Variants in PCNX3 observed in about 807,000 individuals in gnomAD.
PCNX3 encodes the protein pecanex-like protein 3.
A neutral mutation model predicts 207.2 loss-of-function variants in PCNX3; 58 were observed. The observed-to-expected ratio is 0.28, with a 90% CI of 0.23 to 0.35. The LOEUF is 0.35. Among genes scored for constraint, PCNX3 ranks in the 10% least tolerant of loss-of-function variants. PCNX3 has a pLI of 1.00. For missense variants in PCNX3, 2,410 were observed against 2,774.4 expected, an observed-to-expected ratio of 0.87 and a Z score of 2.95; for synonymous variants, 1,337 against 1,183.5, an observed-to-expected ratio of 1.13 and a Z score of -2.66.
intron 28 of PCNX3, 80 bp downstream of exon 28, chr11:65,634,436 C>T (rs939062776): frequency 2.7e-6 from 4 of 1,507,770 alleles, no homozygotes; most frequent in East Asian, 2.4e-5. Context: ...CATTTGGTTT[C>T]CTCTCACTCT....
At chr11:65,619,157 T>C (rs1854930476) in intron 6 of PCNX3, 90 bp downstream of exon 6, 5 of 1,079,266 alleles carry the variant, frequency 4.6e-6, no homozygotes. Flanking sequence ...ACCTGGTCAG[T>C]GTCAGCTCAG....
At chr11:65,619,385 G>C in intron 6 of PCNX3, 152 bp from the exon 7 acceptor site, 1 of 952,206 alleles carries the variant, frequency 1.1e-6, no homozygotes. Flanking sequence ...TAAGGAAACT[G>C]AGCATGGGGC....
chr11:65,616,042 G>C lies in PCNX3; in HGVS notation c.-270G>C, dbSNP rs2135387281. 1 of 273,934 alleles carries C rather than the reference G, an allele frequency of 3.7e-6. No homozygotes were observed. Among genetic ancestry groups the C allele is most frequent in the East Asian group, 6.6e-5 (1 of 15,240 alleles). The allele number at this position is 273,934 out of a possible 1,614,324, so 17.0% of individuals were successfully genotyped here. ...CGCCTGCCTGCCGGCTCGGCCCCTC[G>C]GAGCAATTCTGGGCCAGGAGTGGGG... On this transcript the variant is annotated 5_prime_UTR_variant, in exon 1 of 35. Transcript: ENST00000355703.
intron 27 of PCNX3, 64 bp from the exon 28 acceptor site, chr11:65,634,062 C>T: frequency 7.0e-7 from 1 of 1,434,620 alleles, no homozygotes; most frequent in Non-Finnish European, 9.5e-7. Flanking sequence ...TCTGAACCTC[C>T]ATGCTTTCTC....
At chr11:65,623,062 T>C (rs1346646399) in intron 11 of PCNX3, among the ~76,000 whole-genome samples, 1 of 152,212 alleles carries the variant, frequency 6.6e-6, no homozygotes, top group Non-Finnish European at 1.5e-5. Context: ...CTACCCAGTG[T>C]AGAGAACTTG....
At chr11:65,634,021 G>C (rs1326014972) in intron 27 of PCNX3, 105 bp from the exon 28 acceptor site, 1 of 1,066,910 alleles carries the variant, frequency 9.4e-7, no homozygotes, top group Non-Finnish European at 1.3e-6. Context: ...ATCCCAGAAA[G>C]CGGACTTCAG....
intron 24 of PCNX3, 117 bp from the exon 25 acceptor site, chr11:65,629,240 C>A: frequency 8.9e-7 from 1 of 1,120,390 alleles, no homozygotes; most frequent in Non-Finnish European, 1.3e-6. Flanking sequence ...CCTCATCTGC[C>A]TGCATAACGG....
intron 11 of PCNX3, 115 bp downstream of exon 11, chr11:65,622,481 C>A: frequency 7.6e-7 from 1 of 1,318,038 alleles, no homozygotes. Context: ...TCGGGGGAAG[C>A]TGAGGGCCTG....
chr11:65,625,540 G>A lies in PCNX3; in HGVS notation c.3135+30G>A, dbSNP rs1264139471. 1 of 1,575,662 alleles carries A rather than the reference G, an allele frequency of 6.3e-7. No individual in the cohort carries two copies. The highest frequency in any genetic ancestry group is 1.3e-5 in the African/African-American group (1 of 74,450). On this transcript the variant is annotated intron_variant, in intron 18 of 34. Coordinates refer to ENST00000355703, the MANE Select transcript of PCNX3 (RefSeq NM_032223.4). The surrounding 1 kb of genome is among the most constrained non-coding windows in gnomAD (Gnocchi z 5.6). ...GGGGGCGGGGGGTGGGGGTCTGTGG[G>A]GAGGTGGTGACAGGTCCTGGGGTTC...
chr11:65,621,402 C>T (rs910705330), intron 10 of PCNX3, among the ~76,000 whole-genome samples: 2 of 152,216 alleles, frequency 1.3e-5, no homozygotes, highest in East Asian at 1.9e-4. Flanking sequence ...CTCTGTCACT[C>T]TTAAGAATAT....
At chr11:65,626,566 G>A (rs1855401854) in intron 20 of PCNX3, 3 of 441,854 alleles carry the variant, frequency 6.8e-6, no homozygotes, top group Non-Finnish European at 1.3e-5. Context: ...TGAACCGAGG[G>A]GTCTGCCCTT....
At position 65,618,798 on chromosome 11, in the gene PCNX3, C is replaced by T. The variant is rs1854904624; in HGVS notation, c.1436C>T (p.Ala479Val). The T allele has an allele frequency of 5.6e-6, 9 of 1,611,360 alleles. No homozygotes were observed. The highest frequency in any genetic ancestry group is 1.7e-5 in the Admixed American group (1 of 59,846). ...RAPHGAEEGT[A>V]VPPKRPYGTQ... ...CCCCATGGGGCTGAGGAGGGAACTG[C>T]TGTGCCCCCCAAGCGGCCATATGGG... Residue 479 changes from alanine to valine, a missense_variant, in exon 6 of 35, where the codon GCT becomes GTT. Physicochemically the swap from Ala to Val is moderately conservative, Grantham distance 64 (BLOSUM62 0). Around this residue, in one of 8 missense-constraint regions of PCNX3, gnomAD observed 1,104 missense variants for 970.3 expected, o/e 1.14. Transcript: ENST00000355703.
intron 12 of PCNX3, 94 bp downstream of exon 12, chr11:65,623,738 G>A (rs1855232128): frequency 1.3e-6 from 2 of 1,548,172 alleles, no homozygotes; most frequent in African/African-American, 2.7e-5. Context: ...AAGCTGAAAG[G>A]TAGATAATTT....
chr11:65,634,119 C>G lies in PCNX3; in HGVS notation c.4471-7C>G. 1 of 1,608,968 alleles carries G rather than the reference C, an allele frequency of 6.2e-7. No individual in the cohort carries two copies. ...CCCCGGCCTGACGCCTGCCCCTCCT[C>G]TCCCAGAGCATCATCTACTACGTGA... On this transcript the variant is annotated splice_polypyrimidine_tract_variant and splice_region_variant and intron_variant, in intron 27 of 34. Transcript: ENST00000355703.
intron 12 of PCNX3, 70 bp downstream of exon 12, chr11:65,623,714 G>T: frequency 1.3e-6 from 2 of 1,575,834 alleles, no homozygotes; most frequent in South Asian, 2.3e-5. Flanking sequence ...CACAACTCCA[G>T]TTTTAAGGAG....
intron 15 of PCNX3, 82 bp downstream of exon 15, chr11:65,624,663 C>G: frequency 1.6e-6 from 2 of 1,270,350 alleles, no homozygotes; most frequent in Non-Finnish European, 2.2e-6. Flanking sequence ...TGGCTCCACC[C>G]TTGCGGAACC....
Position 65,618,449 on chromosome 11 carries a change from G to C in PCNX3, c.1087G>C (p.Asp363His), listed in dbSNP as rs1854875541. The C allele has an allele frequency of 6.2e-7, 1 of 1,610,808 alleles. No individual in the cohort carries two copies. The highest frequency in any genetic ancestry group is 8.5e-7 in the Non-Finnish European group (1 of 1,179,030). Residue 363 changes from aspartate to histidine, a missense_variant, in exon 6 of 35, where the codon GAC becomes CAC. Physicochemically the swap from Asp to His is moderately conservative, Grantham distance 81. Coordinates refer to ENST00000355703, the MANE Select transcript of PCNX3 (RefSeq NM_032223.4). ...CTCAGATGACACGCTGCGTTCCTTT[G>C]ACACGGTCATTGGAGCAGGGACGCC... The part of the protein sequence containing the change: ...VPSDDTLRSF[D>H]TVIGAGTPPG...
intron 20 of PCNX3, 190 bp downstream of exon 20, chr11:65,626,244 G>C (rs1173533282): frequency 1.3e-6 from 1 of 777,494 alleles, no homozygotes; most frequent in South Asian, 1.5e-5. Flanking sequence ...TCTTCTCCTC[G>C]TGCCCTGCTG....
chr11:65,620,756 CT>C, intron 9 of PCNX3, 74 bp from the exon 10 acceptor site: 1 of 1,545,886 alleles, frequency 6.5e-7, no homozygotes, highest in Non-Finnish European at 8.7e-7. Context: ...CCTGCCTGGC[CT>C]TGGCCTCGGC....
Sources: gnomAD v4.1 joint callset for allele counts (sites outside exome capture counted in the v4.1 genomes callset) on GRCh38, gnomAD v4.1.1 for gene constraint, gnomAD v4.1.1 regional missense constraint, Gnocchi (gnomAD v3.1) non-coding constraint, MANE v1.5 for transcripts, NCBI Gene and HGNC (gene_info 2026-07-23, HGNC 2026-07-21) for gene names.